Variants in MAML3 observed in about 807,000 individuals in gnomAD.
The protein encoded by MAML3 is mastermind-like protein 3.
MAML3 carries 27 observed loss-of-function variants against 101.9 expected under a neutral mutation model. The observed-to-expected ratio is 0.27, with a 90% CI of 0.20 to 0.37. The LOEUF (loss-of-function observed/expected upper bound fraction) is 0.37. Ranked by LOEUF, MAML3 falls within the 10% of genes least tolerant of loss-of-function variation. The pLI is 1.00. For synonymous variants in MAML3, 501 were observed against 555.9 expected (o/e 0.90, Z 1.39); for missense variants, 1,316 against 1,444.9 (o/e 0.91, Z 1.45).
At chr4:139,899,915 G>C (rs775049562) in intron 1 of MAML3, among the ~76,000 whole-genome samples, 1 of 152,148 alleles carries the variant, frequency 6.6e-6, no homozygotes, top group Non-Finnish European at 1.5e-5. Context: ...ATCTCTGGAG[G>C]GGGTGTCAGC....
chr4:140,011,109 AAAAGT>A lies in MAML3; in HGVS notation c.469-120147_469-120143del, dbSNP rs1176575995. Among the ~76,000 whole-genome samples the A allele has an allele frequency of 7.8e-5, 8 of 102,812 alleles. No homozygotes were observed. The East Asian group carries it at 3.2e-3, about 41-fold the overall frequency. The allele number at this position is 102,812 out of a possible 152,430, so 67.4% of individuals were successfully genotyped here. A position where few individuals can be genotyped will look rare whatever the true frequency, so the allele number is the denominator to read the frequency against. Reference sequence around the variant, plus strand: ...CTAGACTCTGTCTCGAAAAAAAAAAAAAAGTGTGTGTGTATATATATATATATACA... The same window carrying A: ...CTAGACTCTGTCTCGAAAAAAAAAAAGTGTGTGTATATATATATATATACA... On this transcript the variant is annotated intron_variant, in intron 1 of 4. Coordinates refer to ENST00000509479, the MANE Select transcript of MAML3 (RefSeq NM_018717.5).
At chr4:139,830,174 C>G (rs114301267) in intron 2 of MAML3, among the ~76,000 whole-genome samples, 1,609 of 152,262 alleles carry the variant, frequency 0.011, 31 homozygotes, top group African/African-American at 0.036. Flanking sequence ...GGATGACAGG[C>G]AAGGACTCCA....
chr4:139,939,057 C>G (rs1733554961), intron 1 of MAML3, among the ~76,000 whole-genome samples: 4 of 152,218 alleles, frequency 2.6e-5, no homozygotes, highest in Admixed American at 2.0e-4. Context: ...AGCTTTATTT[C>G]TTTCCTTTCG....
chr4:139,854,271 T>G (rs1481167534), intron 2 of MAML3, among the ~76,000 whole-genome samples: 1 of 151,976 alleles, frequency 6.6e-6, no homozygotes, highest in Non-Finnish European at 1.5e-5. Context: ...AAATGTCAGT[T>G]GTTTTATTAC....
At chr4:140,040,938 T>C (rs1290007470) in intron 1 of MAML3, among the ~76,000 whole-genome samples, 2 of 152,108 alleles carry the variant, frequency 1.3e-5, no homozygotes. Flanking sequence ...ACAATTACTA[T>C]TTAGCGAGTG....
At chr4:140,018,465 G>A (rs1234691088) in intron 1 of MAML3, among the ~76,000 whole-genome samples, 1 of 152,136 alleles carries the variant, frequency 6.6e-6, no homozygotes, top group African/African-American at 2.4e-5. Context: ...TACATGGAAG[G>A]AATAGGAAAA....
At chr4:139,869,347 A>G (rs188052592) in intron 2 of MAML3, among the ~76,000 whole-genome samples, 14 of 147,194 alleles carry the variant, frequency 9.5e-5, no homozygotes, top group African/African-American at 3.3e-4. Context: ...CAAGGACCCA[A>G]GGAAGTCAGC....
At position 139,719,381 on chromosome 4, in the gene MAML3, T is replaced by TG; in HGVS notation, c.3358_3359insC (p.Lys1120ThrfsTer13). 6.2e-7 allele frequency: 1 copy of TG among 1,612,800 alleles called. No homozygotes were observed. Among genetic ancestry groups the TG allele is most frequent in the Non-Finnish European group, 8.5e-7 (1 of 1,179,138 alleles). On this transcript the variant is annotated frameshift_variant, in exon 5 of 5. Coordinates refer to ENST00000509479, the MANE Select transcript of MAML3 (RefSeq NM_018717.5). LOFTEE classifies it high-confidence loss of function. The stretch of plus-strand genomic sequence containing the variant: ...CATCCACTCGTCCCCTGGCCCGCCT[T>TG]TGATGATGGAGTCCACAAGGTCTGC...
intron 1 of MAML3, among the ~76,000 whole-genome samples, chr4:139,937,014 T>C (rs902348329): frequency 5.3e-5 from 8 of 152,196 alleles, no homozygotes; most frequent in African/African-American, 1.9e-4. Flanking sequence ...CTCTATCACA[T>C]TCCCATCAAA....
chr4:140,086,475 A>G (rs1423543085), intron 1 of MAML3, among the ~76,000 whole-genome samples: 1 of 152,256 alleles, frequency 6.6e-6, no homozygotes, highest in African/African-American at 2.4e-5. Context: ...CTCAGTATCA[A>G]TGTGAGAACA....
chr4:139,923,214 C>G (rs1487171184), intron 1 of MAML3, among the ~76,000 whole-genome samples: 2 of 152,102 alleles, frequency 1.3e-5, no homozygotes, highest in Non-Finnish European at 2.9e-5. Context: ...CTCCCCACAC[C>G]CCGGGATCCA....
At chr4:139,832,853 TC>T (rs1468440978) in intron 2 of MAML3, among the ~76,000 whole-genome samples, 1 of 152,222 alleles carries the variant, frequency 6.6e-6, no homozygotes, top group East Asian at 1.9e-4. Context: ...TTTGTCCACA[TC>T]ATCCGCAGTG....
At chr4:139,880,272 T>C (rs981370075) in intron 2 of MAML3, among the ~76,000 whole-genome samples, 3 of 152,162 alleles carry the variant, frequency 2.0e-5, no homozygotes, top group Admixed American at 2.0e-4. Flanking sequence ...CTTAGCCTCA[T>C]ATTTCTAAAA....
At chr4:139,913,979 AC>A (rs774514477) in intron 1 of MAML3, among the ~76,000 whole-genome samples, 6 of 152,202 alleles carry the variant, frequency 3.9e-5, no homozygotes, top group Non-Finnish European at 8.8e-5. Context: ...TAAAGAAAAA[AC>A]ATCCAGTGAT....
intron 2 of MAML3, among the ~76,000 whole-genome samples, chr4:139,791,910 C>A (rs1730422135): frequency 6.6e-6 from 1 of 152,308 alleles, no homozygotes; most frequent in South Asian, 2.1e-4. Context: ...CAGAACAGCC[C>A]ACTGCAGACA....
At position 139,772,213 on chromosome 4, in the gene MAML3, C is replaced by G. The variant is rs1252194093; in HGVS notation, c.2080-41546G>C. On this transcript the variant is annotated intron_variant, in intron 2 of 4. Coordinates refer to ENST00000509479, the MANE Select transcript of MAML3 (RefSeq NM_018717.5). ...CGAGATCGCGCCACTGCACTCCAGC[C>G]TGGGTGACAGAGCGAGACTCCGTTC... 8.5e-5 allele frequency among the ~76,000 whole-genome samples: 9 copies of G among 105,298 alleles called. No individual in the cohort carries two copies. In the East Asian group the frequency reaches 1.7e-3, roughly 20 times the overall value. The allele number at this position is 105,298 out of a possible 152,430, so 69.1% of individuals were successfully genotyped here.
intron 1 of MAML3, among the ~76,000 whole-genome samples, chr4:140,056,040 G>A (rs1040707778): frequency 2.6e-5 from 4 of 152,224 alleles, no homozygotes; most frequent in African/African-American, 9.6e-5. Context: ...ACAGGGGTGT[G>A]TGGCATTAGA....
chr4:140,139,189 C>T lies in MAML3; in HGVS notation c.468+13671G>A, dbSNP rs187992404. On this transcript the variant is annotated intron_variant, in intron 1 of 4. Transcript: ENST00000509479. ...TCAGGAGACTGAAGCAGGAGAATCC[C>T]TTGAGCCCAGGAGTTGGAGGCTGCA... 1.4e-3 allele frequency among the ~76,000 whole-genome samples: 217 copies of T among 152,286 alleles called. 1 individual carries two copies. The highest frequency in any genetic ancestry group is 5.1e-3 in the African/African-American group (211 of 41,554).
rs967966820 is a variant in MAML3, at chr4:139,725,745, C to A, written c.2416+6G>T. The A allele has an allele frequency of 1.5e-5, 24 of 1,613,638 alleles. No individual in the cohort carries two copies. Among genetic ancestry groups the A allele is most frequent in the Non-Finnish European group, 2.0e-5 (24 of 1,179,732 alleles). On this transcript the variant is annotated splice_donor_region_variant and intron_variant, in intron 4 of 4. Coordinates refer to ENST00000509479, the MANE Select transcript of MAML3 (RefSeq NM_018717.5). ...TATAAAATGAGAGAGGTTGCACTGGCCTCACCTTGAAACTGATTGACCTGC... is the reference window on the plus strand; with the variant it reads ...TATAAAATGAGAGAGGTTGCACTGGACTCACCTTGAAACTGATTGACCTGC...
Sources: allele counts gnomAD v4.1 joint callset (sites outside exome capture counted in the v4.1 genomes callset), GRCh38; gene constraint gnomAD v4.1.1; transcripts MANE v1.5; gene names NCBI Gene and HGNC (gene_info 2026-07-23, HGNC 2026-07-21).